The following ASTN2 variants were observed in gnomAD, a reference collection of about 807,000 sequenced individuals.
The protein encoded by ASTN2 is astrotactin 2, also known as astrotactin-2.
Under a neutral mutation model 139.8 loss-of-function variants are expected in ASTN2, and 54 were observed. That is an observed-to-expected ratio of 0.39 (90% confidence interval 0.31 to 0.48). The LOEUF is 0.48. Ranked by LOEUF, ASTN2 falls within the 20% of genes least tolerant of loss-of-function variation. ASTN2 has a pLI of 0.95. For missense variants in ASTN2, 1,565 were observed against 1,725.1 expected (o/e 0.91, Z 1.64); for synonymous variants, 756 against 719.5 (o/e 1.05, Z -0.81).
At chr9:117,203,530 TTTGTTG>T (rs373970577) in intron 3 of ASTN2, among the ~76,000 whole-genome samples, 1 of 151,876 alleles carries the variant, frequency 6.6e-6, no homozygotes, top group African/African-American at 2.4e-5. Context: ...TGTGGGGGCC[TTTGTTG>T]TTGTTGTTGT....
chr9:117,165,272 A>T (rs1379586523), intron 3 of ASTN2, among the ~76,000 whole-genome samples: 1 of 152,128 alleles, frequency 6.6e-6, no homozygotes, highest in Non-Finnish European at 1.5e-5. Context: ...AGTTCATTAC[A>T]GTCAGTACTT....
chr9:117,226,563 G>C (rs1343117327), intron 2 of ASTN2, among the ~76,000 whole-genome samples: 1 of 152,104 alleles, frequency 6.6e-6, no homozygotes, highest in Non-Finnish European at 1.5e-5. Context: ...AAAGAAGTTT[G>C]CAGAAAGCTC....
At chr9:117,028,819 G>A (rs1838170318) in intron 6 of ASTN2, among the ~76,000 whole-genome samples, 1 of 152,272 alleles carries the variant, frequency 6.6e-6, no homozygotes, top group South Asian at 2.1e-4. Flanking sequence ...GACTTGGAAG[G>A]TCATGTCCAT....
intron 1 of ASTN2, among the ~76,000 whole-genome samples, chr9:117,335,349 C>A (rs1828850312): frequency 6.6e-6 from 1 of 152,188 alleles, no homozygotes; most frequent in Non-Finnish European, 1.5e-5. Context: ...GAATTATTTT[C>A]TCCACCATAA....
intron 5 of ASTN2, among the ~76,000 whole-genome samples, chr9:117,047,115 T>C (rs1431893470): frequency 2.0e-5 from 3 of 152,178 alleles, no homozygotes; most frequent in African/African-American, 7.2e-5. Flanking sequence ...TCTCTGCTTC[T>C]CTGCCATATT....
intron 19 of ASTN2, among the ~76,000 whole-genome samples, chr9:116,527,792 T>G (rs1260154084): frequency 1.3e-5 from 2 of 152,040 alleles, no homozygotes; most frequent in Non-Finnish European, 2.9e-5. Context: ...TGAATTCTCA[T>G]CAGATCTGAT....
chr9:116,451,398 A>T (rs1848169128), intron 20 of ASTN2, among the ~76,000 whole-genome samples: 1 of 152,166 alleles, frequency 6.6e-6, no homozygotes, highest in Non-Finnish European at 1.5e-5. Context: ...CTTTGCCATA[A>T]ATGAATGCCT....
At chr9:117,336,037 G>A (rs1444824895) in intron 1 of ASTN2, among the ~76,000 whole-genome samples, 1 of 146,440 alleles carries the variant, frequency 6.8e-6, no homozygotes, top group Non-Finnish European at 1.5e-5. Flanking sequence ...GCAGCTTAAG[G>A]AGACAGGAGG....
chr9:117,199,899 T>C (rs941473239), intron 3 of ASTN2, among the ~76,000 whole-genome samples: 1 of 151,932 alleles, frequency 6.6e-6, no homozygotes, highest in South Asian at 2.1e-4. Context: ...GGGAGTTTTA[T>C]TCTTTTTGAA....
intron 13 of ASTN2, among the ~76,000 whole-genome samples, chr9:116,747,789 T>C (rs1829288048): frequency 6.6e-6 from 1 of 152,044 alleles, no homozygotes. Context: ...AAAGCACATG[T>C]CTTCCCTCTC....
chr9:116,828,488 AG>A (rs1448583434), intron 11 of ASTN2, among the ~76,000 whole-genome samples: 15 of 152,166 alleles, frequency 9.9e-5, no homozygotes, highest in African/African-American at 3.6e-4. Context: ...CCATAGATAC[AG>A]AAAAAAAAGC....
intron 19 of ASTN2, among the ~76,000 whole-genome samples, chr9:116,594,916 TCTC>T (rs1439053883): frequency 3.3e-5 from 5 of 152,116 alleles, no homozygotes; most frequent in Non-Finnish European, 4.4e-5. Context: ...TATACTCTCC[TCTC>T]CTTTTATTAA....
At chr9:117,161,000 G>A (rs1588028983) in intron 3 of ASTN2, among the ~76,000 whole-genome samples, 1 of 151,960 alleles carries the variant, frequency 6.6e-6, no homozygotes, top group Non-Finnish European at 1.5e-5. Flanking sequence ...GAAATCAAAA[G>A]TAGTGATGAC....
At chr9:116,457,612 T>C (rs558709407) in intron 20 of ASTN2, among the ~76,000 whole-genome samples, 16 of 152,168 alleles carry the variant, frequency 1.1e-4, no homozygotes, top group South Asian at 2.1e-4. Flanking sequence ...CTCAACATCA[T>C]TGATCATCAG....
chr9:116,638,504 A>G (rs1259392905), intron 17 of ASTN2, among the ~76,000 whole-genome samples: 1 of 149,752 alleles, frequency 6.7e-6, no homozygotes, highest in African/African-American at 2.4e-5. Context: ...CTTTGTCTAC[A>G]GGTTTTTCAA....
In ASTN2 at chr9:117,008,154, A is replaced by G. The variant is rs1004005332; in HGVS notation, c.1529T>C (p.Val510Ala). 6.2e-7 allele frequency: 1 copy of G among 1,610,644 alleles called. No individual in the cohort carries two copies. The highest frequency in any genetic ancestry group is 1.3e-5 in the African/African-American group (1 of 74,870). The stretch of plus-strand genomic sequence containing the variant: ...CGTCCTTTGTCCACAGAGGTCCCTC[A>G]CCCATGGGGAGGTGGCATTGATCTG... ...YYQINATSPW[V>A]RDLCGQRTTD... The change falls in exon 7 of 23, where the codon GTG becomes GCG. Residue 510 changes from valine to alanine, a missense_variant. Around this residue, in one of 4 missense-constraint regions of ASTN2, gnomAD observed 503 missense variants for 591.7 expected, o/e 0.85. Transcript: ENST00000313400.
chr9:116,559,149 C>A (rs929317700), intron 19 of ASTN2, among the ~76,000 whole-genome samples: 1 of 152,166 alleles, frequency 6.6e-6, no homozygotes, highest in African/African-American at 2.4e-5. Context: ...TGGAGGAGAT[C>A]TCCCCTCCTC....
At chr9:116,755,154 T>C (rs1829500591) in intron 13 of ASTN2, among the ~76,000 whole-genome samples, 1 of 152,252 alleles carries the variant, frequency 6.6e-6, no homozygotes, top group South Asian at 2.1e-4. Context: ...TCCATTTAAA[T>C]GAAAAATACA....
At chr9:116,658,281 T>C (rs980325460) in intron 16 of ASTN2, among the ~76,000 whole-genome samples, 6 of 152,150 alleles carry the variant, frequency 3.9e-5, no homozygotes, top group African/African-American at 1.4e-4. Context: ...GACTAGGTCC[T>C]ATCTTCACCT....
Sources: gnomAD v4.1 joint callset for allele counts (sites outside exome capture counted in the v4.1 genomes callset) on GRCh38, gnomAD v4.1.1 for gene constraint, gnomAD v4.1.1 regional missense constraint, MANE v1.5 for transcripts, NCBI Gene and HGNC (gene_info 2026-07-23, HGNC 2026-07-21) for gene names.